The following HECW1 variants were observed in gnomAD, a reference collection of about 807,000 sequenced individuals.
HECW1 encodes the protein HECT, C2 and WW domain containing E3 ubiquitin protein ligase 1, also known as E3 ubiquitin-protein ligase HECW1.
In HECW1, 61 loss-of-function variants were observed where a neutral mutation model predicts 182.3. The observed-to-expected ratio is 0.33, with a 90% confidence interval of 0.27 to 0.41. The LOEUF is 0.41. HECW1 is among the 10% of genes least tolerant of loss of function. The pLI, the probability that HECW1 is intolerant of heterozygous loss-of-function variation, is 1.00. For synonymous variants in HECW1, 859 were observed against 832.6 expected, an observed-to-expected ratio of 1.03 and a Z score of -0.55; for missense variants, 1,739 against 2,108.9, an observed-to-expected ratio of 0.82 and a Z score of 3.44.
chr7:43,541,134 C>T (rs940918770), intron 24 of HECW1, 29 bp from the exon 25 acceptor site: 1 of 1,549,688 alleles, frequency 6.5e-7, no homozygotes, highest in Non-Finnish European at 8.9e-7. Context: ...TTTCCACTTA[C>T]CGATTTCTCT....
chr7:43,139,077 G>C (rs189688060), intron 2 of HECW1, among the ~76,000 whole-genome samples: 172 of 152,216 alleles, frequency 1.1e-3, no homozygotes, highest in Non-Finnish European at 2.0e-3. Context: ...TTTAATTGGT[G>C]TTCTTTTTGT....
In HECW1 at chr7:43,320,706, A is replaced by G; in HGVS notation, c.424A>G (p.Ile142Val). ...CAATGGTTCTCATCGGGGCCAGATCATCTGGAAGATCGATGCCAGCTCGTA... is the reference window on the plus strand; with the variant it reads ...CAATGGTTCTCATCGGGGCCAGATCGTCTGGAAGATCGATGCCAGCTCGTA... The part of the protein sequence containing the change: ...GVNGSHRGQI[I>V]WKIDASSYFV... Residue 142 changes from isoleucine to valine, a missense_variant, in exon 5 of 30, where the codon ATC becomes GTC. Ile to Val is a conservative substitution (Grantham distance 29, BLOSUM62 3). Transcript: ENST00000395891. The G allele has an allele frequency of 1.2e-6, 2 of 1,614,210 alleles. No individual in the cohort carries two copies. Among genetic ancestry groups the G allele is most frequent in the South Asian group, 1.1e-5 (1 of 91,088 alleles).
chr7:43,123,795 C>T lies in HECW1; in HGVS notation c.-32+9404C>T, dbSNP rs115296817. Reference sequence around the variant, plus strand: ...ATAGTGGTACCATAGCCCTTCCAACCGGGTGGGCTGTGGGCTGGGAGTGGA... The same window carrying T: ...ATAGTGGTACCATAGCCCTTCCAACTGGGTGGGCTGTGGGCTGGGAGTGGA... On this transcript the variant is annotated intron_variant, in intron 2 of 29. Transcript: ENST00000395891. 7.4e-3 allele frequency among the ~76,000 whole-genome samples: 1,126 copies of T among 152,254 alleles called. 11 individuals are homozygous for T. The highest frequency in any genetic ancestry group is 0.025 in the African/African-American group (1,057 of 41,540).
intron 28 of HECW1, among the ~76,000 whole-genome samples, chr7:43,553,248 A>T (rs1460928236): frequency 6.6e-6 from 1 of 152,168 alleles, no homozygotes; most frequent in African/African-American, 2.4e-5. Context: ...ACAACTCTTC[A>T]TTTACAATAT....
chr7:43,337,760 A>C (rs535278128), intron 5 of HECW1, among the ~76,000 whole-genome samples: 3 of 152,324 alleles, frequency 2.0e-5, no homozygotes, highest in East Asian at 3.9e-4. Flanking sequence ...AGCAAATTCT[A>C]AACCTACAGA....
chr7:43,349,286 G>A (rs186667925), intron 5 of HECW1, among the ~76,000 whole-genome samples: 12 of 152,160 alleles, frequency 7.9e-5, no homozygotes, highest in Admixed American at 5.9e-4. Flanking sequence ...TGCCTGCCTC[G>A]GCCTCCCAAA....
chr7:43,249,305 A>T (rs1226014315), intron 3 of HECW1: 2 of 152,490 alleles, frequency 1.3e-5, no homozygotes, highest in Non-Finnish European at 2.9e-5. Flanking sequence ...CGTCAGCCTG[A>T]CGCAGCACCC....
chr7:43,183,417 C>T (rs1031540817), intron 2 of HECW1, among the ~76,000 whole-genome samples: 2 of 152,122 alleles, frequency 1.3e-5, no homozygotes, highest in Non-Finnish European at 2.9e-5. Flanking sequence ...ACAATGTAGA[C>T]TCATTATTAA....
chr7:43,145,628 C>T (rs966516844), intron 2 of HECW1, among the ~76,000 whole-genome samples: 2 of 152,146 alleles, frequency 1.3e-5, no homozygotes, highest in South Asian at 4.2e-4. Context: ...AGGTGTCTTC[C>T]TGCTGTAGAG....
intron 24 of HECW1, among the ~76,000 whole-genome samples, chr7:43,516,341 C>A (rs2080148337): frequency 6.6e-6 from 1 of 152,122 alleles, no homozygotes. Context: ...GGATGGAATA[C>A]TTCTCAGGTA....
intron 8 of HECW1, among the ~76,000 whole-genome samples, chr7:43,415,663 C>T (rs1157413031): frequency 6.8e-6 from 1 of 146,636 alleles, no homozygotes; most frequent in Non-Finnish European, 1.5e-5. Context: ...CTTTCAGGTA[C>T]ACCAATCAGA....
chr7:43,275,941 T>C (rs1803085710), intron 3 of HECW1, among the ~76,000 whole-genome samples: 1 of 152,186 alleles, frequency 6.6e-6, no homozygotes, highest in Non-Finnish European at 1.5e-5. Context: ...GTGGTTAAAA[T>C]TGTTTCATAC....
At chr7:43,114,485 G>A (rs917247473) in intron 2 of HECW1, 94 bp downstream of exon 2, 2 of 1,103,234 alleles carry the variant, frequency 1.8e-6, no homozygotes, top group South Asian at 1.5e-5. Context: ...ATGAATGTGT[G>A]TGCCTGTTTG....
chr7:43,290,231 A>T (rs1805223990), intron 3 of HECW1, among the ~76,000 whole-genome samples: 1 of 152,230 alleles, frequency 6.6e-6, no homozygotes, highest in Admixed American at 6.5e-5. Context: ...TGTCAAAGAC[A>T]TATATTTGGG....
chr7:43,143,012 T>G (rs1788334142), intron 2 of HECW1, among the ~76,000 whole-genome samples: 1 of 152,208 alleles, frequency 6.6e-6, no homozygotes, highest in African/African-American at 2.4e-5. Flanking sequence ...TATTTTATTT[T>G]ATTTTATTAA....
intron 12 of HECW1, 145 bp from the exon 13 acceptor site, chr7:43,456,152 G>A: frequency 1.6e-6 from 1 of 638,314 alleles, no homozygotes; most frequent in Non-Finnish European, 2.6e-6. Context: ...AGAAGTCGTG[G>A]TGGCAGGTGC....
chr7:43,247,864 A>AG (rs1799562401), intron 3 of HECW1, among the ~76,000 whole-genome samples: 1 of 114,112 alleles, frequency 8.8e-6, no homozygotes, highest in African/African-American at 5.7e-5. Flanking sequence ...AAGGAAAGAA[A>AG]GAAGAAAGCA....
intron 5 of HECW1, among the ~76,000 whole-genome samples, chr7:43,336,143 TTTCTCTCTCTCTCTCTC>T (rs1812210773): frequency 5.7e-5 from 3 of 52,296 alleles, no homozygotes; most frequent in Non-Finnish European, 1.1e-4. Context: ...TCTCTCTCTC[TTTCTCTCTCTCTCTCTC>T]TCTCTCTCTC....
chr7:43,324,355 A>G (rs1404510534), intron 5 of HECW1, among the ~76,000 whole-genome samples: 1 of 152,368 alleles, frequency 6.6e-6, no homozygotes, highest in East Asian at 1.9e-4. Context: ...AAATAAAATA[A>G]GATGCTATAA....
Sources: gnomAD v4.1 joint callset for allele counts (sites outside exome capture counted in the v4.1 genomes callset) on GRCh38, gnomAD v4.1.1 for gene constraint, MANE v1.5 for transcripts, NCBI Gene and HGNC (gene_info 2026-07-23, HGNC 2026-07-21) for gene names.